Variants in CNTNAP5 observed in about 807,000 individuals in gnomAD.
CNTNAP5 encodes contactin-associated protein-like 5.
In CNTNAP5, 72 loss-of-function variants were observed where a neutral mutation model predicts 150.2. The observed-to-expected ratio is 0.48, with a 90% CI of 0.40 to 0.58. CNTNAP5 has a LOEUF of 0.58. Among genes scored for constraint, CNTNAP5 ranks in the 20% least tolerant of loss-of-function variants. CNTNAP5 has a pLI of 0.00. For synonymous variants in CNTNAP5, 672 were observed against 619.8 expected, an observed-to-expected ratio of 1.08 and a Z score of -1.25; for missense variants, 1,636 against 1,626.2, an observed-to-expected ratio of 1.01 and a Z score of -0.10.
chr2:124,315,146 A>G (rs1449469973), intron 3 of CNTNAP5, among the ~76,000 whole-genome samples: 1 of 152,060 alleles, frequency 6.6e-6, no homozygotes, highest in Non-Finnish European at 1.5e-5. Flanking sequence ...TAACTGTTGT[A>G]GAGACAGTCT....
At chr2:124,441,851 T>C (rs1692682113) in intron 5 of CNTNAP5, among the ~76,000 whole-genome samples, 1 of 150,744 alleles carries the variant, frequency 6.6e-6, no homozygotes, top group Admixed American at 6.6e-5. Flanking sequence ...TGCATTATCT[T>C]TGGGCATATA....
intron 21 of CNTNAP5, among the ~76,000 whole-genome samples, chr2:124,897,695 T>C (rs1049255313): frequency 5.3e-5 from 8 of 151,338 alleles, no homozygotes; most frequent in African/African-American, 2.0e-4. Context: ...GTGTCACGCA[T>C]AGCATAATAG....
chr2:124,247,809 T>C (rs1687068678), intron 3 of CNTNAP5, among the ~76,000 whole-genome samples: 1 of 152,170 alleles, frequency 6.6e-6, no homozygotes, highest in Non-Finnish European at 1.5e-5. Flanking sequence ...TAATACATTA[T>C]TATTTATTAG....
At chr2:124,157,403 G>C (rs1435499989) in intron 1 of CNTNAP5, among the ~76,000 whole-genome samples, 1 of 152,178 alleles carries the variant, frequency 6.6e-6, no homozygotes, top group Non-Finnish European at 1.5e-5. Context: ...AGAAGAAGCT[G>C]TGTTAGGCTC....
chr2:124,459,460 C>T (rs137965363), intron 6 of CNTNAP5, among the ~76,000 whole-genome samples: 9 of 152,184 alleles, frequency 5.9e-5, no homozygotes, highest in South Asian at 2.1e-4. Context: ...TCAAGAATTG[C>T]GTTCTTGGCC....
intron 11 of CNTNAP5, among the ~76,000 whole-genome samples, chr2:124,575,052 C>T (rs1369944225): frequency 6.6e-6 from 1 of 151,954 alleles, no homozygotes; most frequent in Non-Finnish European, 1.5e-5. Flanking sequence ...GATTTCTTCT[C>T]ATGTATTTAC....
chr2:124,172,884 C>A (rs1456675855), intron 1 of CNTNAP5, among the ~76,000 whole-genome samples: 3 of 152,042 alleles, frequency 2.0e-5, no homozygotes, highest in African/African-American at 7.2e-5. Context: ...TGCTTTATTT[C>A]ACTTTGAAGA....
At chr2:124,325,251 A>C (rs933351769) in intron 3 of CNTNAP5, among the ~76,000 whole-genome samples, 3 of 152,214 alleles carry the variant, frequency 2.0e-5, no homozygotes, top group Non-Finnish European at 4.4e-5. Flanking sequence ...ACTAGATATC[A>C]AACCTGCTGG....
Position 124,816,693 on chromosome 2 carries a change from G to C in CNTNAP5, c.3217+18373G>C, listed in dbSNP as rs539365858. Among the ~76,000 whole-genome samples the C allele has an allele frequency of 5.9e-5, 9 of 151,904 alleles. 1 individual carries two copies. In the South Asian group the frequency reaches 1.7e-3, roughly 28 times the overall value. On this transcript the variant is annotated intron_variant, in intron 19 of 23. Coordinates refer to ENST00000682447, the MANE Select transcript of CNTNAP5 (RefSeq NM_001367498.1). ...AGGTTTCACCATGTTGGTCAGGCTG[G>C]TCTTGAACTCCTGACCTCAGGTGAT...
At chr2:124,423,789 C>T (rs1406351912) in intron 4 of CNTNAP5, among the ~76,000 whole-genome samples, 2 of 142,838 alleles carry the variant, frequency 1.4e-5, no homozygotes, top group Non-Finnish European at 1.5e-5. Context: ...CTCAGCCTCC[C>T]GAGTAGCTGG....
intron 8 of CNTNAP5, among the ~76,000 whole-genome samples, chr2:124,512,385 G>T (rs1694613010): frequency 6.6e-6 from 1 of 151,796 alleles, no homozygotes; most frequent in African/African-American, 2.4e-5. Context: ...AGGGTGGGTG[G>T]GGGGAGAATC....
intron 3 of CNTNAP5, among the ~76,000 whole-genome samples, chr2:124,411,499 A>T (rs1478808895): frequency 6.7e-6 from 1 of 148,918 alleles, no homozygotes; most frequent in Non-Finnish European, 1.5e-5. Context: ...GGGAAAATGA[A>T]TCCAGCAGCA....
intron 3 of CNTNAP5, among the ~76,000 whole-genome samples, chr2:124,319,754 C>T (rs1573913817): frequency 6.6e-6 from 1 of 152,120 alleles, no homozygotes; most frequent in Admixed American, 6.5e-5. Flanking sequence ...CCAGTAGCAC[C>T]TTTCCCCTAT....
chr2:124,876,770 A>T (rs1677869210), intron 21 of CNTNAP5, among the ~76,000 whole-genome samples: 1 of 152,058 alleles, frequency 6.6e-6, no homozygotes, highest in Non-Finnish European at 1.5e-5. Context: ...CCTTTTTCAG[A>T]CTCAAATCCT....
intron 13 of CNTNAP5, among the ~76,000 whole-genome samples, chr2:124,694,187 C>A (rs563562052): frequency 6.6e-6 from 1 of 152,050 alleles, no homozygotes; most frequent in African/African-American, 2.4e-5. Flanking sequence ...GCTTTCAGGC[C>A]TAGGTAGTAA....
chr2:124,377,913 A>T (rs893847483), intron 3 of CNTNAP5, among the ~76,000 whole-genome samples: 4 of 152,062 alleles, frequency 2.6e-5, no homozygotes, highest in Non-Finnish European at 5.9e-5. Context: ...AACAATTTTG[A>T]TTCAAGGGGG....
intron 12 of CNTNAP5, among the ~76,000 whole-genome samples, chr2:124,640,493 C>G (rs568223113): frequency 6.6e-6 from 1 of 152,164 alleles, no homozygotes; most frequent in Non-Finnish European, 1.5e-5. Context: ...CTCCAAACAG[C>G]TGAAACCCAG....
At chr2:124,127,551 A>T (rs1393033997) in intron 1 of CNTNAP5, among the ~76,000 whole-genome samples, 3 of 152,216 alleles carry the variant, frequency 2.0e-5, no homozygotes, top group Non-Finnish European at 4.4e-5. Context: ...CAGAATTGGA[A>T]AAAACTACTT....
At chr2:124,156,667 G>T (rs914854346) in intron 1 of CNTNAP5, among the ~76,000 whole-genome samples, 1 of 152,116 alleles carries the variant, frequency 6.6e-6, no homozygotes, top group Admixed American at 6.5e-5. Flanking sequence ...GGCTAATTTT[G>T]TATTTTTAGT....
Sources: allele counts gnomAD v4.1 joint callset (sites outside exome capture counted in the v4.1 genomes callset), GRCh38; gene constraint gnomAD v4.1.1; transcripts MANE v1.5; gene names NCBI Gene and HGNC (gene_info 2026-07-23, HGNC 2026-07-21).